The following TCERG1L variants were observed in gnomAD, a reference collection of about 807,000 sequenced individuals.
The protein encoded by TCERG1L is transcription elongation regulator 1-like protein.
TCERG1L carries 37 observed loss-of-function variants against 56.3 expected under a neutral mutation model. The ratio of observed to expected loss-of-function variants is 0.66; its 90% CI spans 0.51 to 0.87. The LOEUF is 0.87. Ranked by LOEUF, TCERG1L falls within the 40% of genes least tolerant of loss-of-function variation. The probability of loss-of-function intolerance (pLI) is 0.00; values close to 1 mark genes in which losing one functional copy is unlikely to be tolerated. For synonymous variants in TCERG1L, 324 were observed against 326.3 expected (o/e 0.99, Z 0.08); for missense variants, 799 against 774.2 (o/e 1.03, Z -0.38).
At chr10:131,235,148 C>A (rs977598260) in intron 4 of TCERG1L, among the ~76,000 whole-genome samples, 1 of 152,106 alleles carries the variant, frequency 6.6e-6, no homozygotes, top group Non-Finnish European at 1.5e-5. Flanking sequence ...CGCCCAAGGT[C>A]GATTAAAATT....
At chr10:131,264,647 G>A (rs1268562290) in intron 3 of TCERG1L, among the ~76,000 whole-genome samples, 1 of 152,212 alleles carries the variant, frequency 6.6e-6, no homozygotes, top group Non-Finnish European at 1.5e-5. Context: ...CACGCTCCCA[G>A]CACATCTGCA....
Position 131,309,205 on chromosome 10 carries a change from A to G in TCERG1L, c.437T>C (p.Leu146Pro). The G allele has an allele frequency of 6.2e-7, 1 of 1,611,084 alleles. No homozygotes were observed. Among genetic ancestry groups the G allele is most frequent in the Non-Finnish European group, 8.5e-7 (1 of 1,178,934 alleles). The change falls in exon 2 of 12, where the codon CTT becomes CCT. Residue 146 changes from leucine to proline, a missense_variant. Leu to Pro is a moderately conservative substitution (Grantham distance 98, BLOSUM62 -3). Transcript: ENST00000368642. ...CCAACTTTTCCCAATAGGGGTTGCA[A>G]GAGCAGAAGGGCAGAGATGTGGGAA... ...PVFPHLCPSA[L>P]ATPIGKSWID...
At chr10:131,199,219 G>A (rs1845400913) in intron 4 of TCERG1L, among the ~76,000 whole-genome samples, 1 of 152,154 alleles carries the variant, frequency 6.6e-6, no homozygotes, top group South Asian at 2.1e-4. Flanking sequence ...TTTGATCAAA[G>A]GGTGCCTTGG....
intron 11 of TCERG1L, among the ~76,000 whole-genome samples, chr10:131,096,966 G>A (rs1339780716): frequency 3.3e-5 from 5 of 151,514 alleles, no homozygotes; most frequent in Admixed American, 6.6e-5. Context: ...TTGGGAGGTC[G>A]AGGTGGGTGG....
chr10:131,112,920 G>T (rs923840646), intron 9 of TCERG1L, among the ~76,000 whole-genome samples: 3 of 142,264 alleles, frequency 2.1e-5, no homozygotes, highest in Admixed American at 2.1e-4. Context: ...CGCCCTTGGG[G>T]TGTTCAATCC....
At chr10:131,131,269 G>C (rs1845615480) in intron 8 of TCERG1L, among the ~76,000 whole-genome samples, 1 of 152,160 alleles carries the variant, frequency 6.6e-6, no homozygotes, top group Admixed American at 6.5e-5. Flanking sequence ...CGTGAGGTCA[G>C]AGGGATAGGA....
chr10:131,198,883 C>T lies in TCERG1L; in HGVS notation c.857-31998G>A, dbSNP rs145746028. On this transcript the variant is annotated intron_variant, in intron 4 of 11. Transcript: ENST00000368642. ...GCACCCCGTGCACCTGCAGAGGCAG[C>T]GCCACGTGGACAACACCAAGGTCAC... is the stretch of plus-strand genomic sequence containing the variant. 7.5e-3 allele frequency among the ~76,000 whole-genome samples: 1,139 copies of T among 152,362 alleles called. 31 individuals are homozygous for T. In the South Asian group the frequency reaches 0.1, roughly 13 times the overall value.
intron 4 of TCERG1L, among the ~76,000 whole-genome samples, chr10:131,184,100 G>A (rs1845211267): frequency 6.6e-6 from 1 of 152,190 alleles, no homozygotes; most frequent in Non-Finnish European, 1.5e-5. Flanking sequence ...GCCCAGCAAA[G>A]CCCTTCTCTT....
chr10:131,256,948 AGAAGGAAG>A (rs71009955), intron 4 of TCERG1L, among the ~76,000 whole-genome samples: 2,088 of 60,678 alleles, frequency 0.034, 142 homozygotes, highest in Non-Finnish European at 0.043. Context: ...AGGAAGAGAA[AGAAGGAAG>A]GAAGGAAGGA....
chr10:131,154,377 CCA>C (rs1845897246), intron 6 of TCERG1L, among the ~76,000 whole-genome samples: 1 of 152,204 alleles, frequency 6.6e-6, no homozygotes, highest in Non-Finnish European at 1.5e-5. Context: ...TCCCAGTCCC[CCA>C]CTACACAAAG....
intron 4 of TCERG1L, among the ~76,000 whole-genome samples, chr10:131,200,087 T>C (rs1375746841): frequency 1.3e-5 from 2 of 152,180 alleles, no homozygotes; most frequent in Non-Finnish European, 2.9e-5. Context: ...GGATCGTCCT[T>C]AATGCTCTGT....
At chr10:131,169,769 G>A (rs749914608) in intron 4 of TCERG1L, among the ~76,000 whole-genome samples, 18 of 152,096 alleles carry the variant, frequency 1.2e-4, no homozygotes, top group Admixed American at 4.6e-4. Context: ...TATCTTCTAC[G>A]AGCATGTAAA....
At chr10:131,200,045 C>T (rs1297479551) in intron 4 of TCERG1L, among the ~76,000 whole-genome samples, 3 of 152,144 alleles carry the variant, frequency 2.0e-5, no homozygotes, top group East Asian at 1.9e-4. Context: ...CTACTTTTCC[C>T]GACAGCTCTC....
rs1333296720 is a variant in TCERG1L at position 131,171,644 on chromosome 10, ACCTTCAAGTGATTCTCCTGT to A, written c.857-4779_857-4760del. On this transcript the variant is annotated intron_variant, in intron 4 of 11. Transcript: ENST00000368642. ...TCCAGGCTGGAGTGGGTTCACTGCAACCTTCAAGTGATTCTCCTGTCCTTCAAGTGATTCTCCCGTCTCAG... is the reference window on the plus strand; with the variant it reads ...TCCAGGCTGGAGTGGGTTCACTGCAACCTTCAAGTGATTCTCCCGTCTCAG... 6.6e-5 allele frequency among the ~76,000 whole-genome samples: 10 copies of A among 152,270 alleles called. No individual in the cohort carries two copies. In the East Asian group the frequency reaches 9.6e-4, roughly 15 times the overall value.
chr10:131,102,795 C>T (rs771723438), intron 10 of TCERG1L, among the ~76,000 whole-genome samples: 99 of 152,246 alleles, frequency 6.5e-4, no homozygotes, highest in African/African-American at 2.1e-3. Flanking sequence ...CCTTCTCAGA[C>T]GTGATCCACG....
chr10:131,291,529 C>T (rs1433122054), intron 3 of TCERG1L, among the ~76,000 whole-genome samples: 3 of 144,442 alleles, frequency 2.1e-5, no homozygotes, highest in South Asian at 4.4e-4. Flanking sequence ...CAGGTTCATG[C>T]CATTCTCCTG....
At chr10:131,290,669 AAAC>A (rs761357168) in intron 3 of TCERG1L, among the ~76,000 whole-genome samples, 2 of 152,110 alleles carry the variant, frequency 1.3e-5, no homozygotes, top group East Asian at 3.9e-4. Context: ...CATTAAAACA[AAAC>A]AACAGCATTT....
intron 4 of TCERG1L, among the ~76,000 whole-genome samples, chr10:131,173,139 C>T (rs914917903): frequency 1.3e-5 from 2 of 152,106 alleles, no homozygotes; most frequent in East Asian, 1.9e-4. Context: ...GATCCACCCG[C>T]CTCAGCCTCC....
In TCERG1L at chr10:131,259,512, G is replaced by A. The variant is rs572448930; in HGVS notation, c.856+747C>T. On this transcript the variant is annotated intron_variant, in intron 4 of 11. Coordinates refer to ENST00000368642, the MANE Select transcript of TCERG1L (RefSeq NM_174937.4). ...CATTTCACAAGGATGTCTGGGTCAC[G>A]AAGCGTGCAGGTTACAGTTAGTGGA... 5.9e-5 allele frequency among the ~76,000 whole-genome samples: 9 copies of A among 152,308 alleles called. 1 individual carries two copies. In the South Asian group the frequency reaches 6.2e-4, roughly 11 times the overall value.
Sources: gnomAD v4.1 joint callset for allele counts (sites outside exome capture counted in the v4.1 genomes callset) on GRCh38, gnomAD v4.1.1 for gene constraint, MANE v1.5 for transcripts, NCBI Gene and HGNC (gene_info 2026-07-23, HGNC 2026-07-21) for gene names.